Variants in SH3RF1 observed in about 807,000 individuals in gnomAD.
The protein encoded by SH3RF1 is E3 ubiquitin-protein ligase SH3RF1.
Under a neutral mutation model 74.0 loss-of-function variants are expected in SH3RF1, and 32 were observed. The ratio of observed to expected loss-of-function variants is 0.43; its 90% CI spans 0.33 to 0.58. SH3RF1 has a LOEUF of 0.58. SH3RF1 is among the 20% of genes least tolerant of loss of function. SH3RF1 has a pLI of 0.05. For synonymous variants in SH3RF1, 396 were observed against 439.6 expected, an observed-to-expected ratio of 0.90 and a Z score of 1.24; for missense variants, 954 against 1,130.9, an observed-to-expected ratio of 0.84 and a Z score of 2.24.
rs569853285 is a variant in SH3RF1 at position 169,218,196 on chromosome 4, AATATAATATAAT to A, written c.393+50612_393+50623del. On this transcript the variant is annotated intron_variant, in intron 2 of 11. Coordinates refer to ENST00000284637, the MANE Select transcript of SH3RF1 (RefSeq NM_020870.4). ...GTTAATGATATGTGTAATATATGTA[AATATAATATAAT>A]ATATAATATAATATAAACATATTCT... Among the ~76,000 whole-genome samples the A allele has an allele frequency of 4.4e-3, 631 of 143,668 alleles. 4 individuals are homozygous for A. Among genetic ancestry groups the A allele is most frequent in the African/African-American group, 0.016 (601 of 38,680 alleles). 94.3% of individuals were successfully genotyped at this position (143,668 alleles called of 152,430 possible). A position where few individuals can be genotyped will look rare whatever the true frequency, so the allele number is the denominator to read the frequency against.
intron 2 of SH3RF1, among the ~76,000 whole-genome samples, chr4:169,187,038 A>G (rs1361596004): frequency 6.6e-6 from 1 of 151,934 alleles, no homozygotes; most frequent in East Asian, 1.9e-4. Flanking sequence ...AAAAAGAAAA[A>G]AAGAAAAGAT....
intron 2 of SH3RF1, among the ~76,000 whole-genome samples, chr4:169,199,123 T>C (rs542214586): frequency 1.3e-5 from 2 of 152,194 alleles, no homozygotes; most frequent in South Asian, 4.1e-4. Flanking sequence ...AAGGGCAGCA[T>C]GTAAAGTAGG....
intron 6 of SH3RF1, among the ~76,000 whole-genome samples, chr4:169,125,640 T>C (rs1733513175): frequency 6.6e-6 from 1 of 152,178 alleles, no homozygotes; most frequent in African/African-American, 2.4e-5. Flanking sequence ...ACTCCCAGGG[T>C]AGAAAAGTGA....
intron 2 of SH3RF1, among the ~76,000 whole-genome samples, chr4:169,191,159 G>T (rs971158799): frequency 6.6e-6 from 1 of 151,848 alleles, no homozygotes. Flanking sequence ...CTGAGAACTG[G>T]AACAAGACAA....
At chr4:169,248,960 G>A (rs1731053541) in intron 2 of SH3RF1, among the ~76,000 whole-genome samples, 1 of 152,218 alleles carries the variant, frequency 6.6e-6, no homozygotes, top group African/African-American at 2.4e-5. Flanking sequence ...GGGCCCAGTG[G>A]CTCACGCCTA....
chr4:169,243,807 C>T (rs949922587), intron 2 of SH3RF1, among the ~76,000 whole-genome samples: 2 of 152,178 alleles, frequency 1.3e-5, no homozygotes, highest in Non-Finnish European at 2.9e-5. Context: ...TCTTCTATTT[C>T]ATGATTTTCC....
chr4:169,221,348 A>G (rs1265035439), intron 2 of SH3RF1, among the ~76,000 whole-genome samples: 2 of 152,216 alleles, frequency 1.3e-5, no homozygotes, highest in African/African-American at 2.4e-5. Context: ...ACTGTGATAG[A>G]CGATCAACCA....
At chr4:169,168,654 G>C (rs1734282009) in intron 2 of SH3RF1, among the ~76,000 whole-genome samples, 1 of 152,154 alleles carries the variant, frequency 6.6e-6, no homozygotes, top group Admixed American at 6.5e-5. Context: ...TGACAGAGAG[G>C]GTTGTTAAAT....
At chr4:169,243,022 A>G (rs1471563194) in intron 2 of SH3RF1, among the ~76,000 whole-genome samples, 1 of 152,232 alleles carries the variant, frequency 6.6e-6, no homozygotes, top group African/African-American at 2.4e-5. Context: ...ACAGCATTGC[A>G]TGAAAAAGAA....
rs371220815 is a variant in SH3RF1, at chr4:169,180,710, T to TA, written c.394-24032dup. On this transcript the variant is annotated intron_variant, in intron 2 of 11. Transcript: ENST00000284637. Reference sequence around the variant, plus strand: ...CACTTCATAGACACTGTGAAATCGTTAAAAAAAATTATATTTATATCAGAT... The same window carrying TA: ...CACTTCATAGACACTGTGAAATCGTTAAAAAAAAATTATATTTATATCAGAT... Among the ~76,000 whole-genome samples the TA allele has an allele frequency of 6.6e-5, 10 of 151,962 alleles. No individual in the cohort carries two copies. In the East Asian group the frequency reaches 7.7e-4, roughly 12 times the overall value.
chr4:169,129,422 T>C (rs919681387), intron 6 of SH3RF1, among the ~76,000 whole-genome samples: 1 of 152,236 alleles, frequency 6.6e-6, no homozygotes, highest in African/African-American at 2.4e-5. Context: ...CTGTATCTCC[T>C]GGCTACCCTA....
intron 11 of SH3RF1, among the ~76,000 whole-genome samples, chr4:169,103,615 TAATTA>T (rs1733079145): frequency 6.6e-6 from 1 of 152,210 alleles, no homozygotes; most frequent in South Asian, 2.1e-4. Flanking sequence ...TGGTGGCTTT[TAATTA>T]ATCAAAAACT....
At chr4:169,231,481 G>A (rs1410122135) in intron 2 of SH3RF1, among the ~76,000 whole-genome samples, 3 of 152,094 alleles carry the variant, frequency 2.0e-5, no homozygotes, top group Admixed American at 2.0e-4. Context: ...CTGGAGAATC[G>A]CTTGAATCCA....
intron 2 of SH3RF1, among the ~76,000 whole-genome samples, chr4:169,204,785 G>C (rs1378812345): frequency 6.6e-6 from 1 of 151,946 alleles, no homozygotes; most frequent in Non-Finnish European, 1.5e-5. Context: ...TCCTGACCTC[G>C]TGATCCACCC....
chr4:169,099,844 G>C (rs1473883069), intron 11 of SH3RF1, among the ~76,000 whole-genome samples: 2 of 151,468 alleles, frequency 1.3e-5, no homozygotes, highest in Non-Finnish European at 2.9e-5. Flanking sequence ...ATAAACCTCT[G>C]GGGGGGCGGG....
chr4:169,262,406 C>A (rs942126539), intron 2 of SH3RF1, among the ~76,000 whole-genome samples: 1 of 152,192 alleles, frequency 6.6e-6, no homozygotes, highest in African/African-American at 2.4e-5. Context: ...GCAGCTCACG[C>A]CTGTAATCCC....
chr4:169,186,257 G>T (rs550712377), intron 2 of SH3RF1, among the ~76,000 whole-genome samples: 14 of 152,090 alleles, frequency 9.2e-5, no homozygotes, highest in South Asian at 2.1e-4. Flanking sequence ...AACAAATTTT[G>T]GGGGCAATGA....
rs1453172074 is a variant in SH3RF1 at position 169,100,158 on chromosome 4, G to A, written c.2499-3471C>T. Among the ~76,000 whole-genome samples the A allele has an allele frequency of 2.0e-5, 3 of 152,176 alleles. No homozygotes were observed. In the South Asian group the frequency reaches 6.2e-4, roughly 32 times the overall value. ...TGCTGCTCCACCCTCTGCCTCACTC[G>A]GATTATGCTTTTCTTTATATGAACA... On this transcript the variant is annotated intron_variant, in intron 11 of 11. Coordinates refer to ENST00000284637, the MANE Select transcript of SH3RF1 (RefSeq NM_020870.4).
At chr4:169,131,537 A>G (rs961719046) in intron 5 of SH3RF1, among the ~76,000 whole-genome samples, 2 of 152,196 alleles carry the variant, frequency 1.3e-5, no homozygotes, top group African/African-American at 4.8e-5. Context: ...CGGGAAGCAC[A>G]CTGGTTTCAA....
Sources: gnomAD v4.1 joint callset for allele counts (sites outside exome capture counted in the v4.1 genomes callset) on GRCh38, gnomAD v4.1.1 for gene constraint, MANE v1.5 for transcripts, NCBI Gene and HGNC (gene_info 2026-07-23, HGNC 2026-07-21) for gene names.